Variants in HEMK2 observed in about 807,000 individuals in gnomAD.
The protein encoded by HEMK2 is HemK methyltransferase 2, ETF1 glutamine and histone H4 lysine, also known as methyltransferase HEMK2.
At chr21:28,596,825 C>T in the HEMK2 span, among the ~76,000 whole-genome samples, 70 of 152,018 alleles carry the variant, frequency 4.6e-4, no homozygotes, top group South Asian at 2.7e-3. Flanking sequence ...AGAAGTGTCT[C>T]GATGGACAGT....
the HEMK2 span, among the ~76,000 whole-genome samples, chr21:28,841,096 ATATAT>A: frequency 1.9e-3 from 59 of 31,448 alleles, 10 homozygotes; most frequent in African/African-American, 0.017. Flanking sequence ...TATATATATT[ATATAT>A]TATATAATAA....
the HEMK2 span, among the ~76,000 whole-genome samples, chr21:28,625,898 G>A: frequency 6.6e-6 from 1 of 152,086 alleles, no homozygotes; most frequent in African/African-American, 2.4e-5. Context: ...AAAATATCCT[G>A]TAAAAGAAAG....
chr21:28,875,196 A>G, the HEMK2 span: 22 of 152,230 alleles, frequency 1.4e-4, no homozygotes, highest in African/African-American at 5.3e-4. Context: ...CTCAGGCCCA[A>G]TCATGTGTAT....
chr21:28,759,799 A>G, the HEMK2 span, among the ~76,000 whole-genome samples: 663 of 152,262 alleles, frequency 4.4e-3, 3 homozygotes, highest in Non-Finnish European at 6.8e-3. Context: ...CATGTAGGAC[A>G]TGCCTTTCGC....
the HEMK2 span, among the ~76,000 whole-genome samples, chr21:28,757,322 G>A: frequency 6.6e-6 from 1 of 152,066 alleles, no homozygotes; most frequent in Non-Finnish European, 1.5e-5. Flanking sequence ...TCATACCATG[G>A]GAGCAGAATG....
At chr21:28,690,042 G>A in the HEMK2 span, among the ~76,000 whole-genome samples, 2 of 152,268 alleles carry the variant, frequency 1.3e-5, no homozygotes, top group East Asian at 3.9e-4. Flanking sequence ...AGAAGGCAAA[G>A]GAGAAGCAAA....
At chr21:28,884,794 T>C in the HEMK2 span, among the ~76,000 whole-genome samples, 2 of 152,246 alleles carry the variant, frequency 1.3e-5, no homozygotes, top group Admixed American at 6.5e-5. Context: ...GGGTGCTTTC[T>C]ATGTGCTGAG....
At chr21:28,814,639 A>G in the HEMK2 span, among the ~76,000 whole-genome samples, 40 of 152,328 alleles carry the variant, frequency 2.6e-4, no homozygotes, top group African/African-American at 8.9e-4. Context: ...AATGCTCATC[A>G]TCACTGGCCA....
the HEMK2 span, among the ~76,000 whole-genome samples, chr21:28,592,568 C>A: frequency 1.3e-5 from 2 of 152,306 alleles, no homozygotes; most frequent in African/African-American, 4.8e-5. Context: ...AAAAATCATT[C>A]TTAAGGAGGC....
the HEMK2 span, among the ~76,000 whole-genome samples, chr21:28,877,967 C>T: frequency 2.0e-5 from 3 of 151,940 alleles, no homozygotes; most frequent in African/African-American, 7.3e-5. Context: ...AGGTTATAAA[C>T]GGGGAAAAGA....
the HEMK2 span, among the ~76,000 whole-genome samples, chr21:28,608,178 A>C: frequency 0.021 from 3,202 of 152,220 alleles, 111 homozygotes; most frequent in African/African-American, 0.072. Flanking sequence ...ACTGACATGA[A>C]AGAACAGTTC....
chr21:28,586,743 C>G, the HEMK2 span, among the ~76,000 whole-genome samples: 1 of 152,180 alleles, frequency 6.6e-6, no homozygotes, highest in Non-Finnish European at 1.5e-5. Flanking sequence ...TAACACTGGA[C>G]AGTCCAAGAC....
chr21:28,808,031 A>AGAG, the HEMK2 span, among the ~76,000 whole-genome samples: 1 of 152,120 alleles, frequency 6.6e-6, no homozygotes, highest in Non-Finnish European at 1.5e-5. Context: ...ACAGAGAGCT[A>AGAG]GAGCAAGTGC....
the HEMK2 span, among the ~76,000 whole-genome samples, chr21:28,592,501 T>C: frequency 6.6e-6 from 1 of 152,218 alleles, no homozygotes; most frequent in Non-Finnish European, 1.5e-5. Context: ...CAGCATGTAT[T>C]TATAACAGAA....
At chr21:28,848,040 G>T in the HEMK2 span, among the ~76,000 whole-genome samples, 3 of 152,212 alleles carry the variant, frequency 2.0e-5, no homozygotes, top group African/African-American at 7.2e-5. Context: ...AGTACAGTTT[G>T]AAGTCAGGTA....
At chr21:28,771,520 C>CA in the HEMK2 span, among the ~76,000 whole-genome samples, 2 of 120,504 alleles carry the variant, frequency 1.7e-5, no homozygotes, top group Non-Finnish European at 3.7e-5. Context: ...GATGCACCAC[C>CA]CCCCCCCGCC....
chr21:28,657,477 C>T, the HEMK2 span, among the ~76,000 whole-genome samples: 1 of 152,028 alleles, frequency 6.6e-6, no homozygotes, highest in Admixed American at 6.6e-5. Flanking sequence ...ATTCTGACTT[C>T]ATGTCAAAGG....
chr21:28,864,865 A>G, the HEMK2 span, among the ~76,000 whole-genome samples: 150 of 131,414 alleles, frequency 1.1e-3, no homozygotes, highest in African/African-American at 3.2e-3. Context: ...ATAGATAGAT[A>G]GATGGATGAT....
At chr21:28,580,666 T>C in the HEMK2 span, among the ~76,000 whole-genome samples, 1 of 151,936 alleles carries the variant, frequency 6.6e-6, no homozygotes, top group South Asian at 2.1e-4. Flanking sequence ...AAAGAAAATA[T>C]CACTGAAATT....
Sources: allele counts gnomAD v4.1 joint callset (sites outside exome capture counted in the v4.1 genomes callset), GRCh38; gene constraint gnomAD v4.1.1; transcripts MANE v1.5; gene names NCBI Gene and HGNC (gene_info 2026-07-23, HGNC 2026-07-21).